Variants in SLC4A1AP observed in about 807,000 individuals in gnomAD.
The protein encoded by SLC4A1AP is kanadaptin.
Under a neutral mutation model 89.7 loss-of-function variants are expected in SLC4A1AP, and 64 were observed. The ratio of observed to expected loss-of-function variants is 0.71; its 90% confidence interval spans 0.58 to 0.88. The LOEUF is 0.88. Among genes scored for constraint, SLC4A1AP ranks in the 40% least tolerant of loss-of-function variants. The probability of loss-of-function intolerance (pLI) is 0.00; values close to 1 mark genes in which losing one functional copy is unlikely to be tolerated. For synonymous variants in SLC4A1AP, 366 were observed against 353.3 expected (o/e 1.04, Z -0.40); for missense variants, 931 against 965.0 (o/e 0.96, Z 0.47).
Position 27,664,594 on chromosome 2 carries a change from A to G in SLC4A1AP, c.825+17A>G, listed in dbSNP as rs187344545. The stretch of plus-strand genomic sequence containing the variant: ...ATCCTGCAGGTAGGTAGAAAAACCT[A>G]GAATTGAAATTTCGGGTTCATTGGA... On this transcript the variant is annotated intron_variant, in intron 1 of 13. Transcript: ENST00000613058. 4 of 1,578,976 alleles carry G rather than the reference A, an allele frequency of 2.5e-6. No individual in the cohort carries two copies. Among genetic ancestry groups the G allele is most frequent in the African/African-American group, 2.7e-5 (2 of 73,946 alleles).
At chr2:27,692,997 T>G (rs1215024103) in intron 12 of SLC4A1AP, 1 of 152,152 alleles carries the variant, frequency 6.6e-6, no homozygotes, top group Non-Finnish European at 1.5e-5. Context: ...AGTGCAGTGG[T>G]GTGATCTCAG....
intron 5 of SLC4A1AP, 84 bp downstream of exon 5, chr2:27,669,471 A>G: frequency 7.6e-7 from 1 of 1,312,658 alleles, no homozygotes; most frequent in Non-Finnish European, 1.0e-6. Flanking sequence ...TTATGGGGGG[A>G]AAATGTAAAT....
chr2:27,684,899 C>T (rs1675679112), intron 9 of SLC4A1AP, 138 bp from the exon 10 acceptor site: 1 of 960,350 alleles, frequency 1.0e-6, no homozygotes, highest in Non-Finnish European at 1.5e-6. Flanking sequence ...CAAAGTCCCA[C>T]CTCCAGCAGA....
rs929210010 is a variant in SLC4A1AP at position 27,690,698 on chromosome 2, G to C, written c.2271+1931G>C. On this transcript the variant is annotated intron_variant, in intron 12 of 13. Coordinates refer to ENST00000613058, the Ensembl canonical transcript of SLC4A1AP. ...AGAAATAAGTCTTGTTTTGTTGCCC[G>C]GGCTGGTCTCAAACTCCTAGCTTCA... Among the ~76,000 whole-genome samples, 39 of 151,848 alleles carry C rather than the reference G, an allele frequency of 2.6e-4. 2 individuals carry two copies. Among genetic ancestry groups the C allele is most frequent in the Non-Finnish European group, 7.4e-5 (5 of 67,960 alleles).
intron 12 of SLC4A1AP, among the ~76,000 whole-genome samples, chr2:27,691,378 G>A (rs1572997583): frequency 1.3e-5 from 2 of 151,972 alleles, no homozygotes; most frequent in South Asian, 4.1e-4. Flanking sequence ...TTTCTGTGGT[G>A]TTGCTTGTAA....
intron 8 of SLC4A1AP, among the ~76,000 whole-genome samples, chr2:27,680,929 C>T (rs1675609347): frequency 6.6e-6 from 1 of 151,040 alleles, no homozygotes; most frequent in African/African-American, 2.4e-5. Context: ...CTGGTTTTTC[C>T]TCCCTTTCCT....
chr2:27,673,465 T>C (rs1328324231), intron 5 of SLC4A1AP, among the ~76,000 whole-genome samples: 1 of 118,604 alleles, frequency 8.4e-6, no homozygotes, highest in East Asian at 3.0e-4. Flanking sequence ...CCTTCCTTCT[T>C]TCCTTCCTCC....
chr2:27,691,178 T>G (rs1407358079), intron 12 of SLC4A1AP, among the ~76,000 whole-genome samples: 2 of 152,114 alleles, frequency 1.3e-5, no homozygotes, highest in African/African-American at 4.8e-5. Context: ...CTGGGCTTTT[T>G]TTTGTTGGTG....
At position 27,688,856 on chromosome 2, in the gene SLC4A1AP, A is replaced by G. The variant is rs535493865; in HGVS notation, c.2271+89A>G. The G allele has an allele frequency of 2.3e-4, 222 of 966,812 alleles. 1 individual carries two copies. Among genetic ancestry groups the G allele is most frequent in the Admixed American group, 1.1e-3 (42 of 38,136 alleles). 59.9% of individuals were successfully genotyped at this position (966,812 alleles called of 1,614,324 possible). On this transcript the variant is annotated intron_variant, in intron 12 of 13. Coordinates refer to ENST00000613058, the Ensembl canonical transcript of SLC4A1AP. Reference sequence around the variant, plus strand: ...GTGAATCTTTGGAGACTGACTTAACAGAGTTCCCAGCAGCCTTATTCCCCT... The same window carrying G: ...GTGAATCTTTGGAGACTGACTTAACGGAGTTCCCAGCAGCCTTATTCCCCT...
At chr2:27,664,607 C>A (rs1489520219) in intron 1 of SLC4A1AP, 30 bp downstream of exon 1, 4 of 1,535,860 alleles carry the variant, frequency 2.6e-6, no homozygotes, top group Non-Finnish European at 3.6e-6. Flanking sequence ...ATTGAAATTT[C>A]GGGTTCATTG....
chr2:27,670,036 T>C (rs1484912325), intron 5 of SLC4A1AP, among the ~76,000 whole-genome samples: 1 of 152,150 alleles, frequency 6.6e-6, no homozygotes, highest in Non-Finnish European at 1.5e-5. Context: ...GCTCATTTTG[T>C]ATTTTTAGTA....
intron 9 of SLC4A1AP, among the ~76,000 whole-genome samples, chr2:27,684,476 C>T (rs1675672689): frequency 1.3e-5 from 2 of 151,680 alleles, no homozygotes; most frequent in Non-Finnish European, 2.9e-5. Context: ...GGTTCCTTCC[C>T]TCTATTCCAT....
exon 1 of SLC4A1AP, chr2:27,664,221 C>T (rs372231677): frequency 6.2e-7 from 1 of 1,614,174 alleles, no homozygotes; most frequent in Non-Finnish European, 8.5e-7. Context: ...CTACCAAGAG[C>T]CTCCATGGGG....
chr2:27,687,009 G>A (rs866658482), intron 10 of SLC4A1AP, among the ~76,000 whole-genome samples: 1 of 152,072 alleles, frequency 6.6e-6, no homozygotes, highest in South Asian at 2.1e-4. Flanking sequence ...TCCCTATGTT[G>A]CTCAAGCTGG....
At chr2:27,684,777 C>G (rs1265993475) in intron 9 of SLC4A1AP, among the ~76,000 whole-genome samples, 2 of 152,150 alleles carry the variant, frequency 1.3e-5, no homozygotes, top group East Asian at 1.9e-4. Context: ...TCTGAAATAA[C>G]TATTTTAGTT....
At chr2:27,670,869 ATAAT>A (rs946686441) in intron 5 of SLC4A1AP, among the ~76,000 whole-genome samples, 14 of 151,442 alleles carry the variant, frequency 9.2e-5, no homozygotes, top group African/African-American at 3.1e-4. Flanking sequence ...TCAAAAATAA[ATAAT>A]TAATTAAATT....
At chr2:27,691,694 T>C (rs1675790775) in intron 12 of SLC4A1AP, 1 of 151,610 alleles carries the variant, frequency 6.6e-6, no homozygotes, top group Admixed American at 6.6e-5. Context: ...GTTCAAGCAA[T>C]TTTCCTGCCT....
exon 4 of SLC4A1AP, chr2:27,668,884 A>G: frequency 6.2e-7 from 1 of 1,614,164 alleles, no homozygotes; most frequent in Non-Finnish European, 8.5e-7. Flanking sequence ...GGGACATAGC[A>G]CTTGGCTCTG....
intron 9 of SLC4A1AP, among the ~76,000 whole-genome samples, 165 bp downstream of exon 9, chr2:27,682,524 CTTTTTTTT>C (rs1169902483): frequency 4.5e-5 from 2 of 44,740 alleles, no homozygotes; most frequent in Admixed American, 1.9e-4. Flanking sequence ...TTCTTGGATT[CTTTTTTTT>C]TTTTTTTTTT....
Sources: allele counts gnomAD v4.1 joint callset (sites outside exome capture counted in the v4.1 genomes callset), GRCh38; gene constraint gnomAD v4.1.1; transcripts MANE v1.5; gene names NCBI Gene and HGNC (gene_info 2026-07-23, HGNC 2026-07-21).